EPB41L4B: variants seen among roughly 807,000 people sequenced by gnomAD.
The protein encoded by EPB41L4B is band 4.1-like protein 4B.
EPB41L4B carries 30 observed loss-of-function variants against 112.5 expected under a neutral mutation model. That is an observed-to-expected ratio of 0.27 (90% CI 0.20 to 0.36). The LOEUF is 0.36. EPB41L4B is among the 10% of genes least tolerant of loss of function. EPB41L4B has a pLI of 1.00. For synonymous variants in EPB41L4B, 408 were observed against 439.7 expected, an observed-to-expected ratio of 0.93 and a Z score of 0.90; for missense variants, 1,024 against 1,133.3, an observed-to-expected ratio of 0.90 and a Z score of 1.38.
At chr9:109,244,754 G>C (rs1834488023) in intron 14 of EPB41L4B, among the ~76,000 whole-genome samples, 2 of 152,170 alleles carry the variant, frequency 1.3e-5, no homozygotes, top group South Asian at 4.1e-4. Context: ...GCAGAAGTCA[G>C]GGGCTTCTCA....
chr9:109,315,865 T>C (rs1837615204), intron 1 of EPB41L4B, among the ~76,000 whole-genome samples: 1 of 152,132 alleles, frequency 6.6e-6, no homozygotes, highest in Non-Finnish European at 1.5e-5. Flanking sequence ...GCATTTCTCA[T>C]ACTACATCCA....
chr9:109,290,585 A>T (rs1836485896), intron 1 of EPB41L4B, among the ~76,000 whole-genome samples: 2 of 152,096 alleles, frequency 1.3e-5, no homozygotes, highest in South Asian at 4.2e-4. Context: ...AGCAGTTCCC[A>T]GAAGGCACCA....
chr9:109,279,997 A>G (rs1835975533), intron 1 of EPB41L4B, 76 bp from the exon 2 acceptor site: 1 of 1,131,718 alleles, frequency 8.8e-7, no homozygotes. Context: ...AAAAAAACCT[A>G]CTTCTCTTTG....
intron 1 of EPB41L4B, among the ~76,000 whole-genome samples, chr9:109,294,715 T>C (rs912186525): frequency 1.2e-4 from 18 of 152,096 alleles, no homozygotes; most frequent in African/African-American, 4.3e-4. Flanking sequence ...TGTATAAGTA[T>C]TTATTAGTGA....
intron 11 of EPB41L4B, among the ~76,000 whole-genome samples, chr9:109,254,971 CA>C (rs1354880658): frequency 6.6e-6 from 1 of 152,228 alleles, no homozygotes; most frequent in Non-Finnish European, 1.5e-5. Context: ...TCCGCTCTAC[CA>C]CTTACTGGCT....
At chr9:109,213,048 G>A (rs1315259213) in intron 17 of EPB41L4B, among the ~76,000 whole-genome samples, 1 of 152,210 alleles carries the variant, frequency 6.6e-6, no homozygotes, top group Non-Finnish European at 1.5e-5. Flanking sequence ...GTGTGACCTT[G>A]AGAAAGTCAT....
intron 19 of EPB41L4B, 97 bp downstream of exon 19, chr9:109,203,566 T>C (rs1832902750): frequency 9.9e-7 from 1 of 1,013,970 alleles, no homozygotes; most frequent in Non-Finnish European, 1.5e-6. Context: ...ATTTGTCCTC[T>C]GATTTTATCA....
chr9:109,285,962 T>C (rs1207236675), intron 1 of EPB41L4B, among the ~76,000 whole-genome samples: 1 of 152,134 alleles, frequency 6.6e-6, no homozygotes, highest in Non-Finnish European at 1.5e-5. Context: ...CATCACACTG[T>C]ACTGCAGCTG....
intron 2 of EPB41L4B, among the ~76,000 whole-genome samples, chr9:109,274,669 A>G (rs1048182053): frequency 1.3e-5 from 2 of 152,174 alleles, no homozygotes; most frequent in Admixed American, 6.5e-5. Context: ...GTATGTACGC[A>G]TGAACCAAGT....
rs578146984 is a variant in EPB41L4B, at chr9:109,197,283, C to T, written c.2046-2886G>A. Among the ~76,000 whole-genome samples, 45 of 152,022 alleles carry T rather than the reference C, an allele frequency of 3.0e-4. No individual in the cohort carries two copies. In the South Asian group the frequency reaches 6.2e-3, roughly 21 times the overall value. ...ACTAAAAACACAAAAATTAGCTGGGCGTGGTGGCACACGCCTGTAATCCCA... is the reference window on the plus strand; with the variant it reads ...ACTAAAAACACAAAAATTAGCTGGGTGTGGTGGCACACGCCTGTAATCCCA... On this transcript the variant is annotated intron_variant, in intron 20 of 25. Coordinates refer to ENST00000374566, the MANE Select transcript of EPB41L4B (RefSeq NM_019114.5).
At position 109,213,685 on chromosome 9, in the gene EPB41L4B, C is replaced by T. The variant is rs1833260406; in HGVS notation, c.1752+15G>A. Reference sequence around the variant, plus strand: ...ACCAAGTCCATGGTCATGGCAGAGCCCCGGCCCTTGGCACCTTGTTTATGT... The same window carrying T: ...ACCAAGTCCATGGTCATGGCAGAGCTCCGGCCCTTGGCACCTTGTTTATGT... On this transcript the variant is annotated intron_variant, in intron 17 of 25. Coordinates refer to ENST00000374566, the MANE Select transcript of EPB41L4B (RefSeq NM_019114.5). 2.5e-6 allele frequency: 4 copies of T among 1,608,826 alleles called. No homozygotes were observed. In the African/African-American group the frequency reaches 5.3e-5, roughly 22 times the overall value.
At chr9:109,319,701 A>G (rs1319997064) in intron 1 of EPB41L4B, among the ~76,000 whole-genome samples, 1 of 152,188 alleles carries the variant, frequency 6.6e-6, no homozygotes, top group Non-Finnish European at 1.5e-5. Flanking sequence ...AGGGGGGACA[A>G]GCTGGACACC....
At position 109,321,006 on chromosome 9, in the gene EPB41L4B, CCAG is replaced by C; in HGVS notation, c.-563_-561del. 5.4e-6 allele frequency: 1 copy of C among 183,598 alleles called. No homozygotes were observed. Among genetic ancestry groups the C allele is most frequent in the Non-Finnish European group, 1.1e-5 (1 of 91,422 alleles). The allele number at this position is 183,598 out of a possible 1,614,324, so 11.4% of individuals were successfully genotyped here. On this transcript the variant is annotated 5_prime_UTR_variant, in exon 1 of 26. Coordinates refer to ENST00000374566, the MANE Select transcript of EPB41L4B (RefSeq NM_019114.5). ...GCCTCCCACCTGGGAGGCTGCACCT[CCAG>C]CCGCCGCCGCCGCCGCCGCCGCCGC...
chr9:109,183,487 G>A (rs1036985006), intron 23 of EPB41L4B, among the ~76,000 whole-genome samples: 2 of 152,204 alleles, frequency 1.3e-5, no homozygotes, highest in African/African-American at 4.8e-5. Flanking sequence ...CAGACGAACA[G>A]CTGATCAGGT....
intron 2 of EPB41L4B, among the ~76,000 whole-genome samples, chr9:109,269,652 A>T (rs1045441531): frequency 6.6e-6 from 1 of 152,266 alleles, no homozygotes; most frequent in Non-Finnish European, 1.5e-5. Context: ...TGAGGCAAGT[A>T]GGGACTGTTC....
intron 1 of EPB41L4B, among the ~76,000 whole-genome samples, chr9:109,304,715 A>T (rs1353687058): frequency 2.0e-5 from 3 of 152,178 alleles, no homozygotes; most frequent in Non-Finnish European, 4.4e-5. Context: ...GAAGCCATGG[A>T]AAGGGCTTGG....
chr9:109,181,747 C>T (rs1832062447), intron 24 of EPB41L4B, among the ~76,000 whole-genome samples: 1 of 152,102 alleles, frequency 6.6e-6, no homozygotes, highest in African/African-American at 2.4e-5. Context: ...TTATCAAGAT[C>T]CAACCCAAAA....
chr9:109,298,777 G>A (rs575291214), intron 1 of EPB41L4B, among the ~76,000 whole-genome samples: 3 of 152,134 alleles, frequency 2.0e-5, no homozygotes, highest in South Asian at 4.2e-4. Context: ...ACCAATTTTC[G>A]CTAACCCCAA....
At chr9:109,234,018 A>G (rs1170167816) in intron 15 of EPB41L4B, among the ~76,000 whole-genome samples, 2 of 152,144 alleles carry the variant, frequency 1.3e-5, no homozygotes, top group Non-Finnish European at 2.9e-5. Context: ...AACCGTCTTT[A>G]GAAAGATTAA....
Sources: allele counts gnomAD v4.1 joint callset (sites outside exome capture counted in the v4.1 genomes callset), GRCh38; gene constraint gnomAD v4.1.1; transcripts MANE v1.5; gene names NCBI Gene and HGNC (gene_info 2026-07-23, HGNC 2026-07-21).